Variants in SH3D19 observed in about 807,000 individuals in gnomAD.
The protein encoded by SH3D19 is SH3 domain-containing protein 19.
In SH3D19, 58 loss-of-function variants were observed where a neutral mutation model predicts 112.1. The observed-to-expected ratio is 0.52, with a 90% CI of 0.42 to 0.64. The LOEUF is 0.64. Among genes scored for constraint, SH3D19 ranks in the 30% least tolerant of loss-of-function variants. SH3D19 has a pLI of 0.00. For synonymous variants in SH3D19, 391 were observed against 448.5 expected (o/e 0.87, Z 1.62); for missense variants, 1,090 against 1,263.4 (o/e 0.86, Z 2.08).
At chr4:151,316,049 A>C (rs1291753442) in intron 1 of SH3D19, among the ~76,000 whole-genome samples, 1 of 152,148 alleles carries the variant, frequency 6.6e-6, no homozygotes, top group Non-Finnish European at 1.5e-5. Context: ...AGTAACTTTC[A>C]AGCAGAGAAA....
chr4:151,129,751 C>T (rs974650352), intron 17 of SH3D19, among the ~76,000 whole-genome samples: 9 of 152,176 alleles, frequency 5.9e-5, no homozygotes, highest in East Asian at 5.8e-4. Context: ...CTGGGCAAGA[C>T]GCTTCTCTTC....
intron 2 of SH3D19, among the ~76,000 whole-genome samples, chr4:151,220,994 G>A (rs1303253464): frequency 6.6e-5 from 10 of 152,124 alleles, no homozygotes; most frequent in African/African-American, 1.9e-4. Flanking sequence ...TCAATCAATC[G>A]GCAGCAAGCA....
intron 7 of SH3D19, among the ~76,000 whole-genome samples, chr4:151,173,434 G>A (rs1759405532): frequency 6.6e-6 from 1 of 152,180 alleles, no homozygotes; most frequent in Non-Finnish European, 1.5e-5. Context: ...ATGACACTGG[G>A]CAAGTGATCC....
chr4:151,290,026 T>A (rs1338933801), intron 1 of SH3D19, among the ~76,000 whole-genome samples: 1 of 152,202 alleles, frequency 6.6e-6, no homozygotes, highest in East Asian at 1.9e-4. Flanking sequence ...AGGATCATAG[T>A]TCATTGTAAA....
At chr4:151,303,984 G>A (rs1484606853) in intron 1 of SH3D19, among the ~76,000 whole-genome samples, 2 of 150,438 alleles carry the variant, frequency 1.3e-5, no homozygotes, top group African/African-American at 4.9e-5. Context: ...CATAAAAGCA[G>A]ATTTTTTTTT....
intron 1 of SH3D19, among the ~76,000 whole-genome samples, chr4:151,259,980 A>G (rs1167376953): frequency 1.3e-5 from 2 of 152,162 alleles, no homozygotes; most frequent in African/African-American, 4.8e-5. Context: ...TCAGAGGCAC[A>G]ATCCTGAGCC....
chr4:151,159,177 G>T, intron 9 of SH3D19, 63 bp downstream of exon 9: 2 of 905,712 alleles, frequency 2.2e-6, no homozygotes, highest in Non-Finnish European at 3.3e-6. Flanking sequence ...GATATTAGCT[G>T]ACTATTCAAA....
chr4:151,157,757 TA>T (rs1165666595), intron 9 of SH3D19, among the ~76,000 whole-genome samples: 1 of 151,984 alleles, frequency 6.6e-6, no homozygotes, highest in African/African-American at 2.4e-5. Flanking sequence ...TATACAGCCA[TA>T]AAAAAGAATG....
chr4:151,145,733 G>C (rs1030834281), intron 11 of SH3D19, among the ~76,000 whole-genome samples: 8 of 152,196 alleles, frequency 5.3e-5, no homozygotes, highest in Admixed American at 3.3e-4. Context: ...GCCAAATCAA[G>C]TAGAGGCTAC....
chr4:151,144,899 A>G (rs1054587664), intron 11 of SH3D19, among the ~76,000 whole-genome samples: 1 of 152,186 alleles, frequency 6.6e-6, no homozygotes, highest in Non-Finnish European at 1.5e-5. Context: ...TTAGCTGATG[A>G]GTGCACATCA....
Position 151,174,730 on chromosome 4 carries a change from C to T in SH3D19, c.1474G>A (p.Val492Ile), listed in dbSNP as rs1311032529. 6.6e-7 allele frequency: 1 copy of T among 1,517,014 alleles called. No individual in the cohort carries two copies. The highest frequency in any genetic ancestry group is 1.3e-5 in the South Asian group (1 of 74,138). The allele number at this position is 1,517,014 out of a possible 1,614,324, so 94.0% of individuals were successfully genotyped here. Residue 492 changes from valine (V) to isoleucine (I), a missense_variant, in exon 7 of 20, where the codon GTT becomes ATT. By Grantham distance (29) the Val-to-Ile change is conservative. Transcript: ENST00000604030. ...AGGTTCCCCGATGGGGTGGGCAAAA[C>T]ATCATCATCAAAGCTGATGAGATCG... The part of the protein sequence containing the change: ...DIDLISFDDD[V>I]LPTPSGNLAE...
At chr4:151,277,710 T>C (rs967830623) in intron 1 of SH3D19, among the ~76,000 whole-genome samples, 1 of 152,098 alleles carries the variant, frequency 6.6e-6, no homozygotes, top group Non-Finnish European at 1.5e-5. Context: ...AGGTATATGC[T>C]TGTTCATTTA....
chr4:151,297,423 G>A (rs1474647850), intron 1 of SH3D19, among the ~76,000 whole-genome samples: 3 of 152,212 alleles, frequency 2.0e-5, no homozygotes, highest in African/African-American at 7.2e-5. Flanking sequence ...ACACCAAGGA[G>A]TGAAAAGAAT....
intron 1 of SH3D19, among the ~76,000 whole-genome samples, chr4:151,237,401 G>A (rs1250110986): frequency 6.6e-6 from 1 of 152,138 alleles, no homozygotes; most frequent in Non-Finnish European, 1.5e-5. Flanking sequence ...ACATAAAGAA[G>A]GTCAGCACCA....
At chr4:151,237,181 A>T (rs935066154) in intron 1 of SH3D19, among the ~76,000 whole-genome samples, 4 of 152,262 alleles carry the variant, frequency 2.6e-5, no homozygotes, top group Middle Eastern at 6.8e-3. Flanking sequence ...ACAACTCTGG[A>T]CACGCCGCCT....
chr4:151,281,354 C>A (rs1774205091), intron 1 of SH3D19, among the ~76,000 whole-genome samples: 1 of 152,076 alleles, frequency 6.6e-6, no homozygotes, highest in Admixed American at 6.6e-5. Context: ...CCAATAGGAC[C>A]CAGTAGTGAA....
intron 2 of SH3D19, among the ~76,000 whole-genome samples, chr4:151,193,504 T>C (rs1762959900): frequency 6.6e-6 from 1 of 152,234 alleles, no homozygotes; most frequent in African/African-American, 2.4e-5. Flanking sequence ...CTTTAGAACC[T>C]GTCTCTTCGT....
At chr4:151,292,540 A>T (rs1168023018) in intron 1 of SH3D19, among the ~76,000 whole-genome samples, 1 of 152,216 alleles carries the variant, frequency 6.6e-6, no homozygotes, top group Non-Finnish European at 1.5e-5. Context: ...TATAGAAAAG[A>T]GCATTATATC....
At chr4:151,141,170 G>T (rs1287333640) in intron 12 of SH3D19, 2 of 151,970 alleles carry the variant, frequency 1.3e-5, no homozygotes, top group East Asian at 3.9e-4. Flanking sequence ...CTGTCACCTA[G>T]GCTGTGGTGT....
Sources: gnomAD v4.1 joint callset for allele counts (sites outside exome capture counted in the v4.1 genomes callset) on GRCh38, gnomAD v4.1.1 for gene constraint, MANE v1.5 for transcripts, NCBI Gene and HGNC (gene_info 2026-07-23, HGNC 2026-07-21) for gene names.